Variants in TOX observed in about 807,000 individuals in gnomAD.
The protein encoded by TOX is thymocyte selection-associated high mobility group box protein TOX.
In TOX, 11 loss-of-function variants were observed where a neutral mutation model predicts 53.7. The observed-to-expected ratio is 0.20, with a 90% CI of 0.13 to 0.34. The LOEUF (loss-of-function observed/expected upper bound fraction) is 0.34. Among genes scored for constraint, TOX ranks in the 10% least tolerant of loss-of-function variants. TOX has a pLI of 1.00. For missense variants in TOX, 570 were observed against 664.6 expected (o/e 0.86, Z 1.56); for synonymous variants, 225 against 245.3 (o/e 0.92, Z 0.77).
At chr8:58,860,142 G>A (rs926617975) in intron 3 of TOX, among the ~76,000 whole-genome samples, 2 of 152,124 alleles carry the variant, frequency 1.3e-5, no homozygotes, top group African/African-American at 2.4e-5. Flanking sequence ...GAGGGGGGCC[G>A]TGTGCTATTG....
chr8:58,872,385 G>T (rs908374415), intron 3 of TOX, among the ~76,000 whole-genome samples: 1 of 152,058 alleles, frequency 6.6e-6, no homozygotes, highest in African/African-American at 2.4e-5. Flanking sequence ...CCTTCAGAAG[G>T]GGGGAGCACA....
chr8:58,829,658 C>T (rs1810420924), intron 5 of TOX, among the ~76,000 whole-genome samples: 1 of 152,122 alleles, frequency 6.6e-6, no homozygotes, highest in African/African-American at 2.4e-5. Flanking sequence ...TACCTGATGG[C>T]TCCCATTTTG....
chr8:59,069,353 C>T (rs1191070092), intron 1 of TOX, among the ~76,000 whole-genome samples: 1 of 152,010 alleles, frequency 6.6e-6, no homozygotes, highest in East Asian at 1.9e-4. Flanking sequence ...TTAGAGATTA[C>T]AGTAGGAAAA....
intron 3 of TOX, among the ~76,000 whole-genome samples, chr8:58,897,887 T>C (rs1256679850): frequency 1.3e-5 from 2 of 152,122 alleles, no homozygotes; most frequent in Non-Finnish European, 2.9e-5. Context: ...ATTGTGTCTA[T>C]GGAAAAAAAT....
intron 1 of TOX, among the ~76,000 whole-genome samples, chr8:59,037,820 A>C (rs1774405850): frequency 6.8e-6 from 1 of 147,684 alleles, no homozygotes; most frequent in Non-Finnish European, 1.5e-5. Flanking sequence ...AAAAAAAAAA[A>C]AATTTGTACT....
intron 5 of TOX, among the ~76,000 whole-genome samples, chr8:58,835,564 G>A (rs1361236017): frequency 4.6e-5 from 7 of 152,142 alleles, no homozygotes; most frequent in African/African-American, 9.7e-5. Context: ...TAGAATTAGC[G>A]GGAAGAAATC....
At chr8:58,899,040 T>C (rs1020718185) in intron 3 of TOX, among the ~76,000 whole-genome samples, 3 of 152,170 alleles carry the variant, frequency 2.0e-5, no homozygotes, top group African/African-American at 7.2e-5. Flanking sequence ...TTACTCCAGA[T>C]CCAGGATGCT....
At chr8:59,030,299 C>T (rs1351971568) in intron 1 of TOX, among the ~76,000 whole-genome samples, 1 of 151,986 alleles carries the variant, frequency 6.6e-6, no homozygotes. Context: ...ATGTAGGGGC[C>T]CTGTTTAATT....
At chr8:59,047,033 T>C (rs1803697449) in intron 1 of TOX, among the ~76,000 whole-genome samples, 1 of 152,084 alleles carries the variant, frequency 6.6e-6, no homozygotes, top group Non-Finnish European at 1.5e-5. Context: ...CTCTGCACTA[T>C]GGCATAGGCC....
chr8:58,953,671 T>C (rs1020630102), intron 2 of TOX, among the ~76,000 whole-genome samples: 1 of 152,200 alleles, frequency 6.6e-6, no homozygotes, highest in Non-Finnish European at 1.5e-5. Flanking sequence ...CCAGACTTTG[T>C]TGGGCTAACT....
At chr8:59,017,605 A>T (rs1189386404) in intron 1 of TOX, among the ~76,000 whole-genome samples, 1 of 152,204 alleles carries the variant, frequency 6.6e-6, no homozygotes, top group African/African-American at 2.4e-5. Flanking sequence ...TAGAAGAAAC[A>T]TGTTTTTAAA....
At chr8:58,944,049 C>G (rs1366421669) in intron 2 of TOX, among the ~76,000 whole-genome samples, 1 of 152,174 alleles carries the variant, frequency 6.6e-6, no homozygotes, top group African/African-American at 2.4e-5. Flanking sequence ...TCAAAGAACT[C>G]AAAATTATAT....
At chr8:59,057,384 A>G (rs1431171271) in intron 1 of TOX, among the ~76,000 whole-genome samples, 5 of 152,224 alleles carry the variant, frequency 3.3e-5, no homozygotes, top group Middle Eastern at 3.2e-3. Flanking sequence ...GTCATAATAC[A>G]CACCTCATAG....
intron 1 of TOX, among the ~76,000 whole-genome samples, chr8:59,014,226 C>T (rs938090553): frequency 3.9e-5 from 6 of 152,104 alleles, no homozygotes; most frequent in Non-Finnish European, 7.4e-5. Context: ...CTGTGGGGTA[C>T]GTAAGAAATT....
In TOX at chr8:59,115,982, C is replaced by T. The variant is rs181307873; in HGVS notation, c.102+2904G>A. 8.5e-4 allele frequency among the ~76,000 whole-genome samples: 129 copies of T among 151,842 alleles called. 1 individual carries two copies. The highest frequency in any genetic ancestry group is 6.8e-3 in the Middle Eastern group (2 of 294). ...TTGGCAATCTATAGAGCAGCAGTGC[C>T]GGAAAGTGTCAGCAGAGTAAAACAA... is the stretch of plus-strand genomic sequence containing the variant. On this transcript the variant is annotated intron_variant, in intron 1 of 8. Transcript: ENST00000361421.
chr8:59,108,655 A>AACACAC (rs3084429), intron 1 of TOX, among the ~76,000 whole-genome samples: 27 of 147,446 alleles, frequency 1.8e-4, no homozygotes, highest in African/African-American at 5.9e-4. Flanking sequence ...TCATAAAGGA[A>AACACAC]ACACACACAC....
At chr8:58,958,760 T>C (rs1215209913) in intron 2 of TOX, among the ~76,000 whole-genome samples, 1 of 152,172 alleles carries the variant, frequency 6.6e-6, no homozygotes, top group Non-Finnish European at 1.5e-5. Context: ...GATGACCTTT[T>C]CAGCTGAACA....
At chr8:59,113,404 A>G (rs1399275595) in intron 1 of TOX, among the ~76,000 whole-genome samples, 1 of 152,174 alleles carries the variant, frequency 6.6e-6, no homozygotes, top group Non-Finnish European at 1.5e-5. Flanking sequence ...ATAACTCCAC[A>G]TCATCCATTC....
intron 3 of TOX, among the ~76,000 whole-genome samples, chr8:58,856,795 G>C (rs1810924768): frequency 6.6e-6 from 1 of 151,858 alleles, no homozygotes; most frequent in African/African-American, 2.4e-5. Context: ...GGAGGTGATG[G>C]AGAGAGCTAG....
Sources: allele counts gnomAD v4.1 joint callset (sites outside exome capture counted in the v4.1 genomes callset), GRCh38; gene constraint gnomAD v4.1.1; transcripts MANE v1.5; gene names NCBI Gene and HGNC (gene_info 2026-07-23, HGNC 2026-07-21).